TBC1D8: variants seen among roughly 807,000 people sequenced by gnomAD.
TBC1D8 encodes the protein BUB2-like protein 1.
Under a neutral mutation model 118.8 loss-of-function variants are expected in TBC1D8, and 65 were observed. The ratio of observed to expected loss-of-function variants is 0.55; its 90% CI spans 0.45 to 0.67. TBC1D8 has a LOEUF of 0.67. Ranked by LOEUF, TBC1D8 falls within the 30% of genes least tolerant of loss-of-function variation. TBC1D8 has a pLI of 0.00. For synonymous variants in TBC1D8, 566 were observed against 595.8 expected (o/e 0.95, Z 0.73); for missense variants, 1,376 against 1,471.2 (o/e 0.94, Z 1.06).
chr2:101,150,681 C>A (rs1419017551), intron 1 of TBC1D8, among the ~76,000 whole-genome samples: 4 of 152,216 alleles, frequency 2.6e-5, no homozygotes, highest in Non-Finnish European at 5.9e-5. Context: ...CATCGCCGCG[C>A]GCCCCCAGCC....
At chr2:101,110,480 C>T (rs1357598414) in intron 1 of TBC1D8, among the ~76,000 whole-genome samples, 3 of 152,138 alleles carry the variant, frequency 2.0e-5, no homozygotes, top group Non-Finnish European at 4.4e-5. Context: ...TACATCTGAG[C>T]AGCTCAATGA....
Position 101,007,931 on chromosome 2 carries a change from G to C in TBC1D8, c.3358C>G (p.Pro1120Ala). The change falls in exon 20 of 20, where the codon CCA becomes GCA. Residue 1120 changes from proline to alanine, a missense_variant. Coordinates refer to ENST00000409318, the MANE Select transcript of TBC1D8 (RefSeq NM_001330348.2). The stretch of plus-strand genomic sequence containing the variant: ...TCAAGTTTGGATTTCATGTCCAGTG[G>C]CTTTTCAAAAAAGTTGACTAATGAC... ...EQSLVNFFEKPLDMKSKLENA... is the reference protein window; with the variant it reads ...EQSLVNFFEKALDMKSKLENA... 6.2e-7 allele frequency: 1 copy of C among 1,614,000 alleles called. No homozygotes were observed.
intron 19 of TBC1D8, among the ~76,000 whole-genome samples, chr2:101,009,677 T>G (rs1679042553): frequency 6.6e-6 from 1 of 151,982 alleles, no homozygotes. Context: ...GAGCAGCATT[T>G]CTCAAACATG....
chr2:101,076,484 C>T (rs1242647129), intron 2 of TBC1D8, among the ~76,000 whole-genome samples: 2 of 152,210 alleles, frequency 1.3e-5, no homozygotes, highest in African/African-American at 2.4e-5. Flanking sequence ...CTAAAAACAG[C>T]TGCACCTACA....
intron 15 of TBC1D8, 149 bp downstream of exon 15, chr2:101,027,234 G>A (rs1359874886): frequency 9.9e-6 from 6 of 604,272 alleles, no homozygotes; most frequent in Non-Finnish European, 1.7e-5. Context: ...AAGCAGGTAG[G>A]CAGGCTAAGA....
intron 19 of TBC1D8, among the ~76,000 whole-genome samples, chr2:101,008,680 C>T (rs1434492114): frequency 6.6e-6 from 1 of 152,038 alleles, no homozygotes; most frequent in African/African-American, 2.4e-5. Flanking sequence ...GGCATGGTGA[C>T]CCATGCCTGC....
At chr2:101,022,591 T>C in intron 15 of TBC1D8, 70 bp from the exon 16 acceptor site, 2 of 1,526,132 alleles carry the variant, frequency 1.3e-6, no homozygotes, top group Non-Finnish European at 1.7e-6. Context: ...CACAAACAAA[T>C]ACAATAATAA....
At chr2:101,026,035 C>CTCT (rs1277707978) in intron 15 of TBC1D8, among the ~76,000 whole-genome samples, 2 of 152,156 alleles carry the variant, frequency 1.3e-5, no homozygotes, top group African/African-American at 4.8e-5. Flanking sequence ...ACATGGTTGG[C>CTCT]TTTGAAGGCC....
chr2:101,066,452 GA>G (rs1178980691), intron 2 of TBC1D8, among the ~76,000 whole-genome samples: 1 of 151,910 alleles, frequency 6.6e-6, no homozygotes, highest in East Asian at 1.9e-4. Context: ...CAATATGGGG[GA>G]AAAATCAATT....
chr2:101,104,486 C>T (rs1439240200), intron 1 of TBC1D8, among the ~76,000 whole-genome samples: 4 of 152,184 alleles, frequency 2.6e-5, no homozygotes, highest in South Asian at 2.1e-4. Flanking sequence ...GTAATCAAGA[C>T]AGTGTGGTGG....
intron 1 of TBC1D8, among the ~76,000 whole-genome samples, chr2:101,106,941 C>T (rs1053055339): frequency 5.9e-5 from 9 of 152,116 alleles, no homozygotes; most frequent in African/African-American, 1.7e-4. Flanking sequence ...GTTCTGAGAA[C>T]GTTTAAGGTG....
chr2:101,049,811 T>C (rs1161130504), intron 5 of TBC1D8, among the ~76,000 whole-genome samples: 1 of 151,836 alleles, frequency 6.6e-6, no homozygotes, highest in Non-Finnish European at 1.5e-5. Context: ...ATTTCTATTA[T>C]GCAGCTGCCC....
At chr2:101,086,180 A>C (rs1459114997) in intron 2 of TBC1D8, among the ~76,000 whole-genome samples, 1 of 152,036 alleles carries the variant, frequency 6.6e-6, no homozygotes, top group African/African-American at 2.4e-5. Context: ...ATTAGTAGAT[A>C]AGTTAAAAGC....
chr2:101,078,195 TC>T (rs969277968), intron 2 of TBC1D8, among the ~76,000 whole-genome samples: 2 of 152,218 alleles, frequency 1.3e-5, no homozygotes, highest in Admixed American at 1.3e-4. Context: ...ACTCCAGTCT[TC>T]CGTTCAGACA....
chr2:101,074,159 T>C (rs753939358), intron 2 of TBC1D8, among the ~76,000 whole-genome samples: 75 of 152,334 alleles, frequency 4.9e-4, no homozygotes, highest in Non-Finnish European at 3.7e-4. Flanking sequence ...CTAGAGGCCA[T>C]TGTAGAGTTA....
intron 1 of TBC1D8, among the ~76,000 whole-genome samples, chr2:101,101,589 C>T (rs1419223318): frequency 6.6e-6 from 1 of 152,162 alleles, no homozygotes; most frequent in African/African-American, 2.4e-5. Context: ...TATAAAGATA[C>T]ATACACATGT....
intron 2 of TBC1D8, among the ~76,000 whole-genome samples, chr2:101,080,174 G>A (rs936390118): frequency 6.6e-6 from 1 of 152,068 alleles, no homozygotes. Flanking sequence ...AAAACAGTAA[G>A]AGCCTGGTGA....
intron 5 of TBC1D8, among the ~76,000 whole-genome samples, chr2:101,047,517 A>G (rs544565411): frequency 4.8e-4 from 73 of 152,362 alleles, no homozygotes; most frequent in Admixed American, 5.2e-4. Flanking sequence ...AAGAAGACTG[A>G]GTCATTACCT....
chr2:101,149,010 C>T (rs528882042), intron 1 of TBC1D8, among the ~76,000 whole-genome samples: 1 of 152,304 alleles, frequency 6.6e-6, no homozygotes, highest in East Asian at 1.9e-4. Context: ...GTCAGCGCTG[C>T]TTCATCGGCA....
Sources: allele counts gnomAD v4.1 joint callset (sites outside exome capture counted in the v4.1 genomes callset), GRCh38; gene constraint gnomAD v4.1.1; transcripts MANE v1.5; gene names NCBI Gene and HGNC (gene_info 2026-07-23, HGNC 2026-07-21).